Variants in UBE2W observed in about 807,000 individuals in gnomAD.
UBE2W encodes ubiquitin conjugating enzyme E2 W.
Under a neutral mutation model 27.2 loss-of-function variants are expected in UBE2W, and 18 were observed. The observed-to-expected ratio is 0.66, with a 90% CI of 0.46 to 0.98. The LOEUF (loss-of-function observed/expected upper bound fraction) is 0.98, where lower values mean the gene tolerates loss of function less well. Ranked by LOEUF, UBE2W falls within the 50% of genes least tolerant of loss-of-function variation. The probability of loss-of-function intolerance (pLI) is 0.00; values close to 1 mark genes in which losing one functional copy is unlikely to be tolerated. For missense variants in UBE2W, 90 were observed against 180.2 expected (o/e 0.50, Z 2.87); for synonymous variants, 53 against 57.2 (o/e 0.93, Z 0.33).
In UBE2W at chr8:73,788,351, C is replaced by T. The variant is rs1269875025; in HGVS notation, c.*5751G>A. ...ATTCAAATCCTCAAGCATGAGCTTT[C>T]ATTCCTATTAATAAAATGCACACTC... On this transcript the variant is annotated 3_prime_UTR_variant, in exon 6 of 6. Coordinates refer to ENST00000602593, the MANE Select transcript of UBE2W (RefSeq NM_018299.6). The T allele has an allele frequency of 1.0e-5, 10 of 985,290 alleles. No individual in the cohort carries two copies. Among genetic ancestry groups the T allele is most frequent in the Non-Finnish European group, 1.2e-5 (10 of 829,926 alleles). The allele number at this position is 985,290 out of a possible 1,614,324, so 61.0% of individuals were successfully genotyped here.
chr8:73,789,306 TTAAAAAA>T lies in UBE2W; in HGVS notation c.*4789_*4795del. The T allele has an allele frequency of 8.8e-5, 2 of 22,642 alleles. No individual in the cohort carries two copies. Among genetic ancestry groups the T allele is most frequent in the African/African-American group, 2.3e-4 (2 of 8,796 alleles). 1.4% of individuals were successfully genotyped at this position (22,642 alleles called of 1,614,324 possible). On this transcript the variant is annotated 3_prime_UTR_variant, in exon 6 of 6. Transcript: ENST00000602593. ...GGCAACATGGTGAGACCTCGTGTCT[TTAAAAAA>T]AAAAAAAAAAAAAAAAAAAAAAAAA...
Position 73,786,809 on chromosome 8 carries a change from T to A in UBE2W, c.*7293A>T, listed in dbSNP as rs1191630007. On this transcript the variant is annotated 3_prime_UTR_variant, in exon 6 of 6. Transcript: ENST00000602593. ...GTTACACTCAACAGGACTTGAAAAATGCAAGGAGAGGACTACTGAGTATCA... is the reference window on the plus strand; with the variant it reads ...GTTACACTCAACAGGACTTGAAAAAAGCAAGGAGAGGACTACTGAGTATCA... The A allele has an allele frequency of 1.1e-5, 11 of 985,226 alleles. No individual in the cohort carries two copies. Among genetic ancestry groups the A allele is most frequent in the Non-Finnish European group, 1.3e-5 (11 of 829,920 alleles). The allele number at this position is 985,226 out of a possible 1,614,324, so 61.0% of individuals were successfully genotyped here.
At chr8:73,841,769 C>A in intron 1 of UBE2W, among the ~76,000 whole-genome samples, 1 of 152,082 alleles carries the variant, frequency 6.6e-6, no homozygotes, top group East Asian at 1.9e-4. Flanking sequence ...TGGATTTTGC[C>A]GTGGAGATTT....
chr8:73,858,176 C>T (rs1211865173), intron 1 of UBE2W, among the ~76,000 whole-genome samples: 1 of 152,064 alleles, frequency 6.6e-6, no homozygotes, highest in African/African-American at 2.4e-5. Context: ...GCCTGGCCAA[C>T]ATGGTGAAAC....
At chr8:73,869,209 G>A (rs1007985743) in intron 1 of UBE2W, among the ~76,000 whole-genome samples, 3 of 152,192 alleles carry the variant, frequency 2.0e-5, no homozygotes, top group Admixed American at 6.5e-5. Context: ...GAGGGGTGCT[G>A]AGACTGGGAG....
rs1554579996 is a variant in UBE2W, at chr8:73,805,472, C to CAAAAAAAACAAAAACAAAACA, written c.442+178_442+179insTGTTTTGTTTTTGTTTTTTTT. 6.9e-5 allele frequency among the ~76,000 whole-genome samples: 3 copies of CAAAAAAAACAAAAACAAAACA among 43,676 alleles called. 1 individual carries two copies. The highest frequency in any genetic ancestry group is 1.8e-4 in the African/African-American group (3 of 16,608). 28.7% of individuals were successfully genotyped at this position (43,676 alleles called of 152,430 possible). ...TCCATCTCAAAAAAAAAAAAAAAAA[C>CAAAAAAAACAAAAACAAAACA]AAAAAAAACTAGGGTAATTCATCCA... On this transcript the variant is annotated intron_variant, in intron 5 of 5. Coordinates refer to ENST00000602593, the MANE Select transcript of UBE2W (RefSeq NM_018299.6).
intron 2 of UBE2W, among the ~76,000 whole-genome samples, chr8:73,826,468 A>C (rs538962783): frequency 2.6e-5 from 4 of 152,342 alleles, no homozygotes; most frequent in Admixed American, 2.6e-4. Flanking sequence ...AAAGGAAGAT[A>C]GAAAATACAG....
At position 73,791,857 on chromosome 8, in the gene UBE2W, A is replaced by T. The variant is rs1342442850; in HGVS notation, c.*2245T>A. ...GTGTCATTTTAGTTTACTTTATGGT[A>T]TTTATATGTAGAGAGAGAGGTATGT... On this transcript the variant is annotated 3_prime_UTR_variant, in exon 6 of 6. Transcript: ENST00000602593. 1.0e-6 allele frequency: 1 copy of T among 984,484 alleles called. No homozygotes were observed. Among genetic ancestry groups the T allele is most frequent in the African/African-American group, 1.7e-5 (1 of 57,166 alleles). The allele number at this position is 984,484 out of a possible 1,614,324, so 61.0% of individuals were successfully genotyped here.
downstream of UBE2W, among the ~76,000 whole-genome samples, chr8:73,785,055 T>C (rs1309612129): frequency 1.1e-4 from 17 of 152,206 alleles, no homozygotes. Context: ...CTGATCTTCA[T>C]GCAAACTCCT....
chr8:73,865,417 A>G (rs1811713228), intron 1 of UBE2W, among the ~76,000 whole-genome samples: 1 of 152,152 alleles, frequency 6.6e-6, no homozygotes, highest in Admixed American at 6.5e-5. Flanking sequence ...GTTCAAGACC[A>G]GCCTAGGCAA....
At chr8:73,795,512 C>T (rs1018043479) in intron 5 of UBE2W, among the ~76,000 whole-genome samples, 3 of 152,126 alleles carry the variant, frequency 2.0e-5, no homozygotes, top group South Asian at 2.1e-4. Context: ...AAATAAACTT[C>T]TCTTCTCATA....
intron 1 of UBE2W, among the ~76,000 whole-genome samples, chr8:73,839,713 C>T: frequency 6.8e-6 from 1 of 146,374 alleles, no homozygotes. Flanking sequence ...AAAGCTCATT[C>T]ATTTCTTTTT....
At chr8:73,848,423 ATGCC>A (rs769531097) in intron 1 of UBE2W, among the ~76,000 whole-genome samples, 1 of 152,132 alleles carries the variant, frequency 6.6e-6, no homozygotes, top group Non-Finnish European at 1.5e-5. Context: ...ATGGTGGCTC[ATGCC>A]TGTAATCCCA....
At chr8:73,819,158 C>G (rs1420103315) in intron 3 of UBE2W, among the ~76,000 whole-genome samples, 3 of 152,152 alleles carry the variant, frequency 2.0e-5, no homozygotes, top group Non-Finnish European at 4.4e-5. Context: ...CCAATGTCAC[C>G]TTCTCAGTGA....
At position 73,793,745 on chromosome 8, in the gene UBE2W, T is replaced by C. The variant is rs544501485; in HGVS notation, c.*357A>G. 1.4e-5 allele frequency: 14 copies of C among 1,023,712 alleles called. No homozygotes were observed. Among genetic ancestry groups the C allele is most frequent in the East Asian group, 1.7e-4 (2 of 11,648 alleles). The allele number at this position is 1,023,712 out of a possible 1,614,324, so 63.4% of individuals were successfully genotyped here. A position where few individuals can be genotyped will look rare whatever the true frequency, so the allele number is the denominator to read the frequency against. On this transcript the variant is annotated 3_prime_UTR_variant, in exon 6 of 6. Coordinates refer to ENST00000602593, the MANE Select transcript of UBE2W (RefSeq NM_018299.6). ...AAAACTTTTCCTGTTACAACGCCCA[T>C]TGCCGGCAATGAACGTACCAAAACC...
intron 5 of UBE2W, among the ~76,000 whole-genome samples, chr8:73,800,551 T>TG (rs1808594319): frequency 6.6e-6 from 1 of 152,110 alleles, no homozygotes; most frequent in Admixed American, 6.6e-5. Context: ...TCATTTGCAT[T>TG]GGGGGAGCGG....
chr8:73,847,902 C>CA (rs1296173428), intron 1 of UBE2W, among the ~76,000 whole-genome samples: 175 of 141,464 alleles, frequency 1.2e-3, no homozygotes, highest in African/African-American at 3.3e-3. Context: ...AACTCTGTCT[C>CA]AAAAAAAAAA....
At chr8:73,839,347 TAAA>T (rs34467910) in intron 1 of UBE2W, among the ~76,000 whole-genome samples, 4,496 of 131,690 alleles carry the variant, frequency 0.034, 218 homozygotes, top group African/African-American at 0.11. Context: ...TGCTCCTAGT[TAAA>T]AAAAAAAAAA....
intron 3 of UBE2W, among the ~76,000 whole-genome samples, 157 bp downstream of exon 3, chr8:73,824,990 G>A (rs1425701519): frequency 1.3e-5 from 2 of 152,090 alleles, no homozygotes; most frequent in African/African-American, 2.4e-5. Flanking sequence ...CCAATAAAGT[G>A]TAATGTTCAT....
Sources: gnomAD v4.1 joint callset for allele counts (sites outside exome capture counted in the v4.1 genomes callset) on GRCh38, gnomAD v4.1.1 for gene constraint, MANE v1.5 for transcripts, NCBI Gene and HGNC (gene_info 2026-07-23, HGNC 2026-07-21) for gene names.